The following TTL variants were observed in gnomAD, a reference collection of about 807,000 sequenced individuals.
TTL encodes tubulin tyrosine ligase, also known as tubulin--tyrosine ligase.
In TTL, 10 loss-of-function variants were observed where a neutral mutation model predicts 41.1. The ratio of observed to expected loss-of-function variants is 0.24; its 90% CI spans 0.15 to 0.41. The LOEUF is 0.41. Ranked by LOEUF, TTL falls within the 10% of genes least tolerant of loss-of-function variation. The pLI is 1.00. For missense variants in TTL, 367 were observed against 460.4 expected (o/e 0.80, Z 1.86); for synonymous variants, 175 against 175.5 (o/e 1.00, Z 0.02).
chr2:112,503,111 C>G lies in TTL; in HGVS notation c.805C>G (p.Gln269Glu). 3 of 1,613,240 alleles carry G rather than the reference C, an allele frequency of 1.9e-6. No individual in the cohort carries two copies. Among genetic ancestry groups the G allele is most frequent in the Non-Finnish European group, 2.5e-6 (3 of 1,179,868 alleles). ...GNEMFFKEFN[Q>E]YLTSALNITL... ...TGAAATGTTCTTCAAGGAGTTCAAT[C>G]AGTACCTAACAAGTGCTTTGAACAT... The change falls in exon 5 of 7, where the codon CAG becomes GAG. Residue 269 changes from glutamine to glutamate, a missense_variant. Coordinates refer to ENST00000233336, the MANE Select transcript of TTL (RefSeq NM_153712.5).
rs1682445910 is a variant in TTL at position 112,529,229 on chromosome 2, CT to C, written c.*436del. 3.5e-6 allele frequency: 1 copy of C among 283,674 alleles called. No homozygotes were observed. The highest frequency in any genetic ancestry group is 6.7e-6 in the Non-Finnish European group (1 of 148,342). 17.6% of individuals were successfully genotyped at this position (283,674 alleles called of 1,614,324 possible). A position where few individuals can be genotyped will look rare whatever the true frequency, so the allele number is the denominator to read the frequency against. On this transcript the variant is annotated 3_prime_UTR_variant, in exon 7 of 7. Transcript: ENST00000233336. ...TTGCCTGTGTGTTCCCCACCCATCC[CT>C]TCGGTAACACTCTGCCACACTAAGC...
Position 112,528,981 on chromosome 2 carries a change from C to A in TTL, c.*186C>A, listed in dbSNP as rs1490079342. The A allele has an allele frequency of 1.5e-5, 9 of 615,562 alleles. No homozygotes were observed. The East Asian group carries it at 2.2e-4, about 15-fold the overall frequency. The allele number at this position is 615,562 out of a possible 1,614,324, so 38.1% of individuals were successfully genotyped here. On this transcript the variant is annotated 3_prime_UTR_variant, in exon 7 of 7. Coordinates refer to ENST00000233336, the MANE Select transcript of TTL (RefSeq NM_153712.5). ...AAGAGAGGGCTGCTCAGGGGGCTTC[C>A]CAGATGTAGCTCTCAGCAGTGCTGT...
intron 5 of TTL, among the ~76,000 whole-genome samples, chr2:112,512,424 G>A (rs538664674): frequency 1.3e-5 from 2 of 152,142 alleles, no homozygotes; most frequent in South Asian, 2.1e-4. Flanking sequence ...CACCATGCCC[G>A]GCTAATTTTT....
At chr2:112,520,581 C>A (rs1159934616) in intron 6 of TTL, 156 bp downstream of exon 6, 2 of 985,848 alleles carry the variant, frequency 2.0e-6, no homozygotes, top group Non-Finnish European at 3.0e-6. Flanking sequence ...GGGGGCTTTG[C>A]TGAGTCACTT....
At chr2:112,503,268 G>A (rs1681748900) in intron 5 of TTL, 87 bp downstream of exon 5, 3 of 1,259,528 alleles carry the variant, frequency 2.4e-6, no homozygotes, top group Non-Finnish European at 3.2e-6. Context: ...TTTCATATAA[G>A]TTGTCTAATT....
At chr2:112,510,876 C>T (rs1445217913) in intron 5 of TTL, among the ~76,000 whole-genome samples, 2 of 151,704 alleles carry the variant, frequency 1.3e-5, no homozygotes, top group African/African-American at 4.8e-5. Flanking sequence ...GTTTAATATC[C>T]AGATATTAGG....
intron 5 of TTL, among the ~76,000 whole-genome samples, chr2:112,513,991 T>A (rs1011439987): frequency 6.6e-6 from 1 of 152,194 alleles, no homozygotes; most frequent in African/African-American, 2.4e-5. Flanking sequence ...ATAGTTAATA[T>A]TCATTTAGAG....
intron 5 of TTL, among the ~76,000 whole-genome samples, chr2:112,511,327 T>A (rs2104465142): frequency 6.6e-6 from 1 of 151,740 alleles, no homozygotes; most frequent in East Asian, 1.9e-4. Flanking sequence ...CTTGTTCTAT[T>A]TATTACTCTT....
rs1010919828 is a variant in TTL, at chr2:112,509,361, C to A, written c.875+6180C>A. On this transcript the variant is annotated intron_variant, in intron 5 of 6. Transcript: ENST00000233336. ...GCTCCACCCAGTTCGAGCTTCCTGG[C>A]TGCTTTGTTTACCTAATCAAGCCTG... Among the ~76,000 whole-genome samples the A allele has an allele frequency of 4.6e-5, 7 of 152,174 alleles. No individual in the cohort carries two copies. The South Asian group carries it at 6.2e-4, about 14-fold the overall frequency.
At position 112,535,381 on chromosome 2, in the gene TTL, T is replaced by A. The variant is rs1682580392; in HGVS notation, c.*6586T>A. The A allele has an allele frequency of 6.7e-6, 1 of 150,232 alleles. No individual in the cohort carries two copies. 9.3% of individuals were successfully genotyped at this position (150,232 alleles called of 1,614,324 possible). A position where few individuals can be genotyped will look rare whatever the true frequency, so the allele number is the denominator to read the frequency against. ...GATAAGTGAGAGAGAGGGAAGGGGATAAAACATATACTGGAAGAAATAGTG... is the reference window on the plus strand; with the variant it reads ...GATAAGTGAGAGAGAGGGAAGGGGAAAAAACATATACTGGAAGAAATAGTG... On this transcript the variant is annotated 3_prime_UTR_variant, in exon 7 of 7. Coordinates refer to ENST00000233336, the MANE Select transcript of TTL (RefSeq NM_153712.5).
intron 5 of TTL, among the ~76,000 whole-genome samples, chr2:112,515,922 G>T (rs1682056552): frequency 6.6e-6 from 1 of 151,498 alleles, no homozygotes; most frequent in Non-Finnish European, 1.5e-5. Context: ...ACTCCAGCCT[G>T]GGCGACACAG....
At chr2:112,522,310 A>G (rs984395848) in intron 6 of TTL, 7 of 152,510 alleles carry the variant, frequency 4.6e-5, no homozygotes, top group African/African-American at 1.7e-4. Context: ...TCCCATCCTG[A>G]TTGCCTCACA....
chr2:112,524,707 G>A (rs900543642), intron 6 of TTL, among the ~76,000 whole-genome samples: 1 of 152,042 alleles, frequency 6.6e-6, no homozygotes, highest in Non-Finnish European at 1.5e-5. Flanking sequence ...TTGTCAGATG[G>A]GTAGATTGTA....
intron 6 of TTL, among the ~76,000 whole-genome samples, chr2:112,525,111 C>T: frequency 6.6e-6 from 1 of 152,104 alleles, no homozygotes. Flanking sequence ...AGATGTGTGA[C>T]ATTATTTCTG....
Position 112,534,311 on chromosome 2 carries a change from G to A in TTL, c.*5516G>A, listed in dbSNP as rs1437531193. On this transcript the variant is annotated 3_prime_UTR_variant, in exon 7 of 7. Transcript: ENST00000233336. ...CTCCATCCAGCCTGGGTGACAGTGC[G>A]AGACTCTGTCTCAAAAAAAAAAAAA... 11 of 119,838 alleles carry A rather than the reference G, an allele frequency of 9.2e-5. No individual in the cohort carries two copies. The highest frequency in any genetic ancestry group is 2.9e-4 in the African/African-American group (9 of 30,882). The allele number at this position is 119,838 out of a possible 1,614,324, so 7.4% of individuals were successfully genotyped here.
At position 112,536,310 on chromosome 2, in the gene TTL, A is replaced by G. The variant is rs1202188969; in HGVS notation, c.*7515A>G. ...GGTCTTGAACTCCCGTCCTCAGGCA[A>G]TCCTCCTGCCTCAGTCTCCCCTAAG... is the stretch of plus-strand genomic sequence containing the variant. On this transcript the variant is annotated 3_prime_UTR_variant, in exon 7 of 7. Coordinates refer to ENST00000233336, the MANE Select transcript of TTL (RefSeq NM_153712.5). 6.6e-6 allele frequency: 1 copy of G among 152,088 alleles called. No homozygotes were observed. The highest frequency in any genetic ancestry group is 6.6e-5 in the Admixed American group (1 of 15,256). The allele number at this position is 152,088 out of a possible 1,614,324, so 9.4% of individuals were successfully genotyped here. A position where few individuals can be genotyped will look rare whatever the true frequency, so the allele number is the denominator to read the frequency against.
chr2:112,494,039 T>C (rs576675344), intron 2 of TTL, 104 bp from the exon 3 acceptor site: 136 of 802,694 alleles, frequency 1.7e-4, no homozygotes, highest in Non-Finnish European at 2.6e-4. Flanking sequence ...GACTGAGTCA[T>C]GCTTTGCCTC....
rs1026254491 is a variant in TTL at position 112,536,034 on chromosome 2, C to T, written c.*7239C>T. 2.0e-5 allele frequency: 3 copies of T among 152,176 alleles called. No homozygotes were observed. 9.4% of individuals were successfully genotyped at this position (152,176 alleles called of 1,614,324 possible). A position where few individuals can be genotyped will look rare whatever the true frequency, so the allele number is the denominator to read the frequency against. ...TTCAAAACTTACCTGGCTAATTTCA[C>T]TTCACATAACGATCTTCAGTTCCAT... On this transcript the variant is annotated 3_prime_UTR_variant, in exon 7 of 7. Coordinates refer to ENST00000233336, the MANE Select transcript of TTL (RefSeq NM_153712.5).
In TTL at chr2:112,510,228, C is replaced by T. The variant is rs140968243; in HGVS notation, c.875+7047C>T. Among the ~76,000 whole-genome samples, 452 of 152,260 alleles carry T rather than the reference C, an allele frequency of 3.0e-3. 4 individuals carry two copies. The highest frequency in any genetic ancestry group is 0.01 in the African/African-American group (429 of 41,558). On this transcript the variant is annotated intron_variant, in intron 5 of 6. Transcript: ENST00000233336. ...CACTGCTGCTTCAAACTTTTAGGCT[C>T]AAGGGATCTTCCTGTCTCAGCCTCC...
Sources: gnomAD v4.1 joint callset for allele counts (sites outside exome capture counted in the v4.1 genomes callset) on GRCh38, gnomAD v4.1.1 for gene constraint, MANE v1.5 for transcripts, NCBI Gene and HGNC (gene_info 2026-07-23, HGNC 2026-07-21) for gene names.